Variants in TBC1D9 observed in about 807,000 individuals in gnomAD.
TBC1D9 encodes TBC1 domain family member 9A.
TBC1D9 carries 63 observed loss-of-function variants against 132.0 expected under a neutral mutation model. That is an observed-to-expected ratio of 0.48 (90% CI 0.39 to 0.59). The LOEUF is 0.59. TBC1D9 is among the 20% of genes least tolerant of loss of function. The pLI is 0.00. For missense variants in TBC1D9, 1,261 were observed against 1,592.7 expected, an observed-to-expected ratio of 0.79 and a Z score of 3.54; for synonymous variants, 610 against 609.9, an observed-to-expected ratio of 1.00 and a Z score of 0.00.
At chr4:140,686,297 A>G (rs766405211) in intron 3 of TBC1D9, 47 bp downstream of exon 3, 2 of 1,188,992 alleles carry the variant, frequency 1.7e-6, no homozygotes, top group South Asian at 2.6e-5. Flanking sequence ...CATTTCTGTA[A>G]ATTTGAAATT....
intron 1 of TBC1D9, among the ~76,000 whole-genome samples, chr4:140,729,583 G>A: frequency 6.6e-6 from 1 of 151,972 alleles, no homozygotes; most frequent in East Asian, 1.9e-4. Context: ...CTTTTGGGAG[G>A]GTAAGGCAGA....
chr4:140,687,389 T>G (rs199840047), intron 2 of TBC1D9, among the ~76,000 whole-genome samples: 1 of 82,118 alleles, frequency 1.2e-5, no homozygotes, highest in Non-Finnish European at 2.7e-5. Context: ...TATATATATA[T>G]ATATATAAAC....
At chr4:140,646,060 CAG>C (rs1277909059) in intron 13 of TBC1D9, among the ~76,000 whole-genome samples, 2 of 152,164 alleles carry the variant, frequency 1.3e-5, no homozygotes, top group African/African-American at 4.8e-5. Flanking sequence ...TACTCTATGG[CAG>C]AGACTGTGTG....
intron 16 of TBC1D9, among the ~76,000 whole-genome samples, chr4:140,630,104 A>G (rs1025139553): frequency 2.0e-5 from 3 of 152,194 alleles, no homozygotes; most frequent in African/African-American, 7.2e-5. Context: ...CTACATGCAG[A>G]CATCCTAGGT....
intron 1 of TBC1D9, among the ~76,000 whole-genome samples, chr4:140,715,206 T>C (rs1010139166): frequency 2.2e-4 from 33 of 152,298 alleles, no homozygotes; most frequent in African/African-American, 6.5e-4. Context: ...TACTGGTCAG[T>C]TGTGCCTGAA....
At chr4:140,733,968 C>A (rs1280162026) in intron 1 of TBC1D9, among the ~76,000 whole-genome samples, 1 of 152,110 alleles carries the variant, frequency 6.6e-6, no homozygotes, top group Non-Finnish European at 1.5e-5. Context: ...TTCCTTCCTT[C>A]CTTCTTTCTA....
intron 1 of TBC1D9, among the ~76,000 whole-genome samples, chr4:140,755,501 C>T (rs530021676): frequency 6.6e-6 from 1 of 152,092 alleles, no homozygotes; most frequent in Non-Finnish European, 1.5e-5. Context: ...GCATTTTATA[C>T]CTGATCCTGC....
At chr4:140,705,615 G>GA (rs1738139581) in intron 1 of TBC1D9, among the ~76,000 whole-genome samples, 1 of 152,024 alleles carries the variant, frequency 6.6e-6, no homozygotes, top group African/African-American at 2.4e-5. Flanking sequence ...AAGACCCTGG[G>GA]AAAAAGGAAA....
At chr4:140,733,018 G>A (rs959392688) in intron 1 of TBC1D9, among the ~76,000 whole-genome samples, 1 of 152,068 alleles carries the variant, frequency 6.6e-6, no homozygotes, top group Non-Finnish European at 1.5e-5. Context: ...TCTCCTTGAC[G>A]TTAGAGCTGA....
In TBC1D9 at chr4:140,739,141, C is replaced by T. The variant is rs78859355; in HGVS notation, c.130+16775G>A. ...CCTCCCAAGTTGCTGGGATTACAGG[C>T]GTGTGCCACCATGCCAACTGTGTAT... is the stretch of plus-strand genomic sequence containing the variant. On this transcript the variant is annotated intron_variant, in intron 1 of 20. Transcript: ENST00000442267. Among the ~76,000 whole-genome samples, 1,386 of 151,696 alleles carry T rather than the reference C, an allele frequency of 9.1e-3. 13 individuals are homozygous for T. Among genetic ancestry groups the T allele is most frequent in the East Asian group, 0.048 (251 of 5,184 alleles).
At chr4:140,687,263 G>A (rs1415287219) in intron 2 of TBC1D9, among the ~76,000 whole-genome samples, 1 of 146,008 alleles carries the variant, frequency 6.8e-6, no homozygotes, top group Non-Finnish European at 1.5e-5. Flanking sequence ...TGATCTTATA[G>A]AAAAATGGCT....
In TBC1D9 at chr4:140,634,120, C is replaced by T; in HGVS notation, c.2574G>A (p.Leu858=). The T allele has an allele frequency of 1.2e-6, 2 of 1,613,998 alleles. No homozygotes were observed. Among genetic ancestry groups the T allele is most frequent in the Non-Finnish European group, 1.7e-6 (2 of 1,179,902 alleles). The change falls in exon 16 of 21, where the codon CTG becomes CTA. Residue 858 remains leucine (L), a synonymous_variant. Coordinates refer to ENST00000442267, the MANE Select transcript of TBC1D9 (RefSeq NM_015130.3). ...CAATGCGATACTGTTCCAGGTAGGGCAGGCTGGGGTCATGCCGGTCCAGCG... is the reference window on the plus strand; with the variant it reads ...CAATGCGATACTGTTCCAGGTAGGGTAGGCTGGGGTCATGCCGGTCCAGCG... ...SNALDRHDPS[L]PYLEQYRIDF... is the part of the protein sequence containing the mutation.
At chr4:140,704,274 AC>A (rs1353897309) in intron 1 of TBC1D9, among the ~76,000 whole-genome samples, 1 of 151,942 alleles carries the variant, frequency 6.6e-6, no homozygotes, top group African/African-American at 2.4e-5. Context: ...AATGGTGTGC[AC>A]CTGTAATCCC....
chr4:140,673,716 ACTGC>A (rs1737576750), intron 6 of TBC1D9, among the ~76,000 whole-genome samples: 1 of 152,172 alleles, frequency 6.6e-6, no homozygotes, highest in African/African-American at 2.4e-5. Flanking sequence ...ACCTCTGCAG[ACTGC>A]CTCTCTTCTG....
rs2110958690 is a variant in TBC1D9 at position 140,621,664 on chromosome 4, C to T, written c.*531G>A. 6.6e-6 allele frequency: 1 copy of T among 152,348 alleles called. No individual in the cohort carries two copies. The highest frequency in any genetic ancestry group is 1.5e-5 in the Non-Finnish European group (1 of 68,052). 9.4% of individuals were successfully genotyped at this position (152,348 alleles called of 1,614,324 possible). On this transcript the variant is annotated 3_prime_UTR_variant, in exon 21 of 21. Transcript: ENST00000442267. ...GAATATGATTTTGAATAGAGGACTT[C>T]TATGAAATATATTTCAAATCTTAAA...
intron 17 of TBC1D9, among the ~76,000 whole-genome samples, 167 bp from the exon 18 acceptor site, chr4:140,627,694 ACTAACTCCAT>A (rs1736730210): frequency 6.6e-6 from 1 of 152,204 alleles, no homozygotes; most frequent in Non-Finnish European, 1.5e-5. Context: ...GGAGGAGGTC[ACTAACTCCAT>A]CTAACTCCAC....
chr4:140,707,987 A>C (rs999605868), intron 1 of TBC1D9, among the ~76,000 whole-genome samples: 2 of 152,166 alleles, frequency 1.3e-5, no homozygotes, highest in Non-Finnish European at 2.9e-5. Flanking sequence ...AAAAAAAAAA[A>C]GTATGGTTTC....
intron 1 of TBC1D9, among the ~76,000 whole-genome samples, chr4:140,737,766 A>G (rs1010536845): frequency 6.6e-6 from 1 of 152,230 alleles, no homozygotes; most frequent in African/African-American, 2.4e-5. Context: ...TAAATCCCTG[A>G]AAATCGCTTT....
At chr4:140,712,449 A>AATATATATATATATATATATAT (rs10530134) in intron 1 of TBC1D9, among the ~76,000 whole-genome samples, 2,903 of 102,574 alleles carry the variant, frequency 0.028, 260 homozygotes, top group African/African-American at 0.045. Context: ...AAAAAAAAAG[A>AATATATATATATATATATATAT]ATATATATAT....
Sources: allele counts gnomAD v4.1 joint callset (sites outside exome capture counted in the v4.1 genomes callset), GRCh38; gene constraint gnomAD v4.1.1; transcripts MANE v1.5; gene names NCBI Gene and HGNC (gene_info 2026-07-23, HGNC 2026-07-21).